TBC1D30: variants seen among roughly 807,000 people sequenced by gnomAD.
The protein encoded by TBC1D30 is TBC1 domain family, member 30.
In TBC1D30, 31 loss-of-function variants were observed where a neutral mutation model predicts 63.2. That is an observed-to-expected ratio of 0.49 (90% CI 0.37 to 0.66). The LOEUF (loss-of-function observed/expected upper bound fraction) is 0.66, where lower values mean the gene tolerates loss of function less well. Among genes scored for constraint, TBC1D30 ranks in the 30% least tolerant of loss-of-function variants. The pLI is 0.00. For synonymous variants in TBC1D30, 307 were observed against 361.5 expected (o/e 0.85, Z 1.71); for missense variants, 810 against 953.6 (o/e 0.85, Z 1.98).
intron 2 of TBC1D30, among the ~76,000 whole-genome samples, chr12:64,817,524 G>A (rs534096512): frequency 1.3e-4 from 20 of 152,284 alleles, no homozygotes; most frequent in South Asian, 6.2e-4. Context: ...TGGAGCACAC[G>A]TTCTACATTG....
intron 1 of TBC1D30, among the ~76,000 whole-genome samples, chr12:64,761,458 T>C (rs1211600314): frequency 6.6e-6 from 1 of 152,120 alleles, no homozygotes; most frequent in Non-Finnish European, 1.5e-5. Flanking sequence ...CAGGATGAGA[T>C]AGGAGGTCAT....
chr12:64,791,347 G>A (rs1050058934), intron 2 of TBC1D30, among the ~76,000 whole-genome samples: 5 of 152,148 alleles, frequency 3.3e-5, no homozygotes, highest in Non-Finnish European at 7.4e-5. Context: ...AGTGGTGATG[G>A]TTGTACAATT....
At chr12:64,766,453 A>G (rs1286335584) in intron 1 of TBC1D30, among the ~76,000 whole-genome samples, 1 of 152,186 alleles carries the variant, frequency 6.6e-6, no homozygotes, top group Non-Finnish European at 1.5e-5. Flanking sequence ...TAGAGATAAA[A>G]ACAGGGCATT....
At chr12:64,767,141 A>G (rs1045194822) in intron 1 of TBC1D30, among the ~76,000 whole-genome samples, 3 of 152,020 alleles carry the variant, frequency 2.0e-5, no homozygotes, top group Non-Finnish European at 4.4e-5. Flanking sequence ...GACACCAAAG[A>G]AAGCAAAATA....
chr12:64,871,670 T>G (rs1878667000), intron 11 of TBC1D30, among the ~76,000 whole-genome samples: 1 of 152,246 alleles, frequency 6.6e-6, no homozygotes, highest in Non-Finnish European at 1.5e-5. Context: ...ACTTTAAGTT[T>G]CAAAAACATT....
upstream of TBC1D30, chr12:64,824,553 G>A: frequency 3.6e-6 from 1 of 275,604 alleles, no homozygotes; most frequent in East Asian, 6.2e-5. Context: ...GCACGGCGGT[G>A]CCGGGATTGG....
At chr12:64,866,676 ATG>A in intron 9 of TBC1D30, 86 bp from the exon 10 acceptor site, 1 of 1,204,490 alleles carries the variant, frequency 8.3e-7, no homozygotes, top group South Asian at 1.6e-5. Flanking sequence ...AATTATATAT[ATG>A]GCATTTAAAC....
intron 2 of TBC1D30, among the ~76,000 whole-genome samples, chr12:64,792,285 C>T (rs1349389635): frequency 6.6e-6 from 1 of 152,220 alleles, no homozygotes; most frequent in Non-Finnish European, 1.5e-5. Flanking sequence ...TGAAATCTCT[C>T]TCCCCCACAT....
At chr12:64,840,029 T>C (rs1261934627) in intron 7 of TBC1D30, among the ~76,000 whole-genome samples, 4 of 114,972 alleles carry the variant, frequency 3.5e-5, no homozygotes, top group African/African-American at 9.0e-5. Flanking sequence ...AAAAAAAAAA[T>C]CCACCAACTA....
chr12:64,864,199 T>A (rs1367113376), intron 8 of TBC1D30, among the ~76,000 whole-genome samples: 1 of 152,174 alleles, frequency 6.6e-6, no homozygotes, highest in Non-Finnish European at 1.5e-5. Flanking sequence ...TGGAGAAAAC[T>A]TGTAGTCGAT....
At chr12:64,857,843 C>G (rs1233131929) in intron 8 of TBC1D30, among the ~76,000 whole-genome samples, 2 of 152,188 alleles carry the variant, frequency 1.3e-5, no homozygotes, top group Non-Finnish European at 2.9e-5. Context: ...GCTGAGTGAG[C>G]CCAGCACAAC....
At chr12:64,836,781 T>C (rs2136386081) in intron 6 of TBC1D30, 123 bp downstream of exon 6, 2 of 1,007,250 alleles carry the variant, frequency 2.0e-6, no homozygotes, top group South Asian at 2.1e-5. Context: ...CTTGGTGTAA[T>C]GAAATAGATT....
chr12:64,814,043 G>A (rs1370415105), intron 2 of TBC1D30, among the ~76,000 whole-genome samples: 2 of 152,092 alleles, frequency 1.3e-5, no homozygotes, highest in Non-Finnish European at 2.9e-5. Context: ...TGGAATACAG[G>A]TGTTAAGGAA....
At chr12:64,833,866 A>G (rs1875092086) in intron 5 of TBC1D30, among the ~76,000 whole-genome samples, 1 of 73,244 alleles carries the variant, frequency 1.4e-5, no homozygotes, top group African/African-American at 1.0e-4. Context: ...AGCTTTCATC[A>G]GTTTTTTTTT....
At chr12:64,858,027 C>T (rs1016427075) in intron 8 of TBC1D30, among the ~76,000 whole-genome samples, 3 of 152,176 alleles carry the variant, frequency 2.0e-5, no homozygotes, top group Non-Finnish European at 2.9e-5. Flanking sequence ...CTTCTCAATG[C>T]CTCTTTCCAT....
intron 8 of TBC1D30, among the ~76,000 whole-genome samples, chr12:64,852,000 GGTTGCTCTTCTC>G (rs1291932582): frequency 7.9e-5 from 12 of 151,946 alleles, no homozygotes; most frequent in Non-Finnish European, 1.6e-4. Context: ...TGTGTCTTGG[GGTTGCTCTTCTC>G]GAGGAGTATC....
chr12:64,825,275 C>G (rs76550614), intron 1 of TBC1D30: 5,685 of 457,578 alleles, frequency 0.012, 262 homozygotes, highest in African/African-American at 0.11. Context: ...TCCACCCTCT[C>G]CCCGCGGACC....
upstream of TBC1D30, among the ~76,000 whole-genome samples, chr12:64,779,700 C>T (rs1871178957): frequency 6.6e-6 from 1 of 152,104 alleles, no homozygotes; most frequent in Admixed American, 6.5e-5. Flanking sequence ...AATATATATT[C>T]ATCCATAATG....
chr12:64,778,549 CTTTTTTTTTT>C (rs34519163), upstream of TBC1D30, among the ~76,000 whole-genome samples: 9 of 78,852 alleles, frequency 1.1e-4, no homozygotes, highest in South Asian at 2.3e-3. Context: ...ACAGAGAAGC[CTTTTTTTTTT>C]TTTTTTTTTT....
Sources: gnomAD v4.1 joint callset for allele counts (sites outside exome capture counted in the v4.1 genomes callset) on GRCh38, gnomAD v4.1.1 for gene constraint, MANE v1.5 for transcripts, NCBI Gene and HGNC (gene_info 2026-07-23, HGNC 2026-07-21) for gene names.